The following MIS18BP1 variants were observed in gnomAD, a reference collection of about 807,000 sequenced individuals.
MIS18BP1 encodes the protein mis18-binding protein 1.
In MIS18BP1, 72 loss-of-function variants were observed where a neutral mutation model predicts 116.1. The observed-to-expected ratio is 0.62, with a 90% CI of 0.51 to 0.75. The LOEUF (loss-of-function observed/expected upper bound fraction) is 0.75, where lower values mean the gene tolerates loss of function less well. Ranked by LOEUF, MIS18BP1 falls within the 30% of genes least tolerant of loss-of-function variation. MIS18BP1 has a pLI of 0.00. For synonymous variants in MIS18BP1, 386 were observed against 427.0 expected (o/e 0.90, Z 1.18); for missense variants, 1,363 against 1,303.2 (o/e 1.05, Z -0.71).
intron 5 of MIS18BP1, among the ~76,000 whole-genome samples, chr14:45,237,172 C>T (rs765716671): frequency 1.2e-4 from 18 of 152,090 alleles, no homozygotes; most frequent in Middle Eastern, 3.2e-3. Flanking sequence ...GCCCACTTAC[C>T]TGGTGATGCT....
chr14:45,243,611 G>T (rs529504285), intron 2 of MIS18BP1, among the ~76,000 whole-genome samples: 2 of 152,024 alleles, frequency 1.3e-5, no homozygotes, highest in African/African-American at 4.8e-5. Context: ...TGAAAAAACT[G>T]GTAGTGACTA....
At chr14:45,217,921 ATG>A (rs1890867780) in intron 12 of MIS18BP1, among the ~76,000 whole-genome samples, 1 of 152,220 alleles carries the variant, frequency 6.6e-6, no homozygotes, top group Middle Eastern at 3.2e-3. Context: ...GAACAGGAGT[ATG>A]TAATCATGGG....
chr14:45,242,624 T>G, intron 3 of MIS18BP1, 106 bp from the exon 4 acceptor site: 1 of 1,467,190 alleles, frequency 6.8e-7, no homozygotes, highest in East Asian at 2.3e-5. Flanking sequence ...CTGCCCAGTC[T>G]TTCTCTGAGT....
intron 2 of MIS18BP1, among the ~76,000 whole-genome samples, chr14:45,244,219 T>G (rs1891666672): frequency 6.6e-6 from 1 of 152,212 alleles, no homozygotes; most frequent in African/African-American, 2.4e-5. Flanking sequence ...CAAGCGGACT[T>G]ACACTCTTTA....
chr14:45,249,324 G>GATC (rs1421427907), intron 1 of MIS18BP1, among the ~76,000 whole-genome samples: 1 of 152,056 alleles, frequency 6.6e-6, no homozygotes, highest in Non-Finnish European at 1.5e-5. Context: ...GACCTCAGGT[G>GATC]ATCCACTTGC....
At chr14:45,231,500 G>T in intron 7 of MIS18BP1, 2 of 444,086 alleles carry the variant, frequency 4.5e-6, no homozygotes, top group Non-Finnish European at 7.9e-6. Context: ...TTAAGTCAGA[G>T]GACTCAAATA....
At chr14:45,248,067 T>G (rs544153209) in intron 1 of MIS18BP1, among the ~76,000 whole-genome samples, 1 of 149,502 alleles carries the variant, frequency 6.7e-6, no homozygotes, top group Non-Finnish European at 1.5e-5. Flanking sequence ...TTTTTTTTTT[T>G]TTTTTTCTTT....
chr14:45,243,438 G>A (rs1891638768), intron 2 of MIS18BP1, among the ~76,000 whole-genome samples: 2 of 151,938 alleles, frequency 1.3e-5, no homozygotes, highest in Non-Finnish European at 2.9e-5. Context: ...GATAAATAAG[G>A]ACTAATAGCA....
rs146117432 is a variant in MIS18BP1 at position 45,230,813 on chromosome 14, G to T, written c.1594+328C>A. Among the ~76,000 whole-genome samples the T allele has an allele frequency of 7.2e-5, 11 of 152,070 alleles. No homozygotes were observed. In the East Asian group the frequency reaches 1.7e-3, roughly 24 times the overall value. On this transcript the variant is annotated intron_variant, in intron 8 of 16. Coordinates refer to ENST00000310806, the MANE Select transcript of MIS18BP1 (RefSeq NM_018353.5). ...TTTTTTGACTTTTAGTAGAGACAGG[G>T]TCTCGTCATGTTATCCAGGCTGGTC...
chr14:45,237,839 C>A, intron 4 of MIS18BP1, 118 bp from the exon 5 acceptor site: 1 of 1,329,010 alleles, frequency 7.5e-7, no homozygotes, highest in South Asian at 1.7e-5. Context: ...TCCTTAGTGT[C>A]ATCGATGTAA....
At position 45,247,025 on chromosome 14, in the gene MIS18BP1, T is replaced by C; in HGVS notation, c.262A>G (p.Ser88Gly). 1 of 1,613,566 alleles carries C rather than the reference T, an allele frequency of 6.2e-7. No homozygotes were observed. The highest frequency in any genetic ancestry group is 8.5e-7 in the Non-Finnish European group (1 of 1,179,944). The change falls in exon 2 of 17, where the codon AGT becomes GGT. Residue 88 changes from serine to glycine, a missense_variant. By Grantham distance (56) the Ser-to-Gly change is moderately conservative. Transcript: ENST00000310806. ...TMLTEATTSN[S>G]SLDISAIKPN... is the part of the protein sequence containing the mutation. ...TTTATAGCACTGATATCAAGAGAAC[T>C]GTTAGAGGTAGTAGCCTCTGTTAGC...
chr14:45,210,155 T>A, intron 14 of MIS18BP1: 1 of 389,886 alleles, frequency 2.6e-6, no homozygotes. Context: ...TTGATCCATT[T>A]CGAATTGATC....
chr14:45,214,349 T>C (rs1048898428), intron 13 of MIS18BP1, among the ~76,000 whole-genome samples: 1 of 152,216 alleles, frequency 6.6e-6, no homozygotes. Context: ...TAATGCACTA[T>C]ATGTGCACAT....
At chr14:45,251,304 G>C (rs76281529) in intron 1 of MIS18BP1, among the ~76,000 whole-genome samples, 11,982 of 152,064 alleles carry the variant, frequency 0.079, 628 homozygotes, top group South Asian at 0.16. Flanking sequence ...TATATAGCCT[G>C]GGTTTTTATA....
chr14:45,220,298 T>G (rs1326706572), intron 11 of MIS18BP1, among the ~76,000 whole-genome samples: 2 of 152,154 alleles, frequency 1.3e-5, no homozygotes, highest in Non-Finnish European at 2.9e-5. Context: ...TTCTTTATAC[T>G]TTTGTGTATG....
intron 13 of MIS18BP1, among the ~76,000 whole-genome samples, chr14:45,213,324 G>C (rs529095425): frequency 6.6e-6 from 1 of 152,310 alleles, no homozygotes; most frequent in South Asian, 2.1e-4. Flanking sequence ...GGCTCTCCCT[G>C]ACAGAAGATA....
chr14:45,228,900 C>A (rs1434690175), intron 8 of MIS18BP1, among the ~76,000 whole-genome samples: 1 of 152,016 alleles, frequency 6.6e-6, no homozygotes, highest in Non-Finnish European at 1.5e-5. Flanking sequence ...TGGGTTGGTA[C>A]CTTTACATAA....
At chr14:45,221,195 T>C (rs1432624060) in intron 11 of MIS18BP1, among the ~76,000 whole-genome samples, 1 of 151,532 alleles carries the variant, frequency 6.6e-6, no homozygotes, top group African/African-American at 2.4e-5. Context: ...TCCCAGCACT[T>C]TGGGAGGCCA....
In MIS18BP1 at chr14:45,210,523, T is replaced by C; in HGVS notation, c.3009A>G (p.Pro1003=). ...TPLQHQRILL[P]SFQDSEDDDD... ...CATCATCTTCACTGTCCTGGAAACT[T>C]GGCAACTAGAAAACAAGTATTTATT... Residue 1003 remains proline (P), a synonymous_variant, in exon 14 of 17, where the codon CCA becomes CCG. Coordinates refer to ENST00000310806, the MANE Select transcript of MIS18BP1 (RefSeq NM_018353.5). 1 of 1,613,742 alleles carries C rather than the reference T, an allele frequency of 6.2e-7. No individual in the cohort carries two copies. The highest frequency in any genetic ancestry group is 8.5e-7 in the Non-Finnish European group (1 of 1,179,896).
Sources: gnomAD v4.1 joint callset for allele counts (sites outside exome capture counted in the v4.1 genomes callset) on GRCh38, gnomAD v4.1.1 for gene constraint, MANE v1.5 for transcripts, NCBI Gene and HGNC (gene_info 2026-07-23, HGNC 2026-07-21) for gene names.